Variants in RNF212B observed in about 807,000 individuals in gnomAD.
RNF212B encodes the protein ring finger protein 212B.
A neutral mutation model predicts 55.5 loss-of-function variants in RNF212B; 52 were observed. That is an observed-to-expected ratio of 0.94 (90% confidence interval 0.75 to 1.18). The LOEUF is 1.18. RNF212B is among the 50% of genes most tolerant of loss of function. RNF212B has a pLI of 0.00. For missense variants in RNF212B, 289 were observed against 350.4 expected (o/e 0.82, Z 1.40); for synonymous variants, 99 against 121.4 (o/e 0.82, Z 1.21).
At chr14:23,254,332 AAAAACAAAAACT>A (rs1441089693) in intron 4 of RNF212B, among the ~76,000 whole-genome samples, 20 of 147,102 alleles carry the variant, frequency 1.4e-4, no homozygotes, top group African/African-American at 3.4e-4. Context: ...AAACAAAAAC[AAAAACAAAAACT>A]AAAACTAAAA....
intron 2 of RNF212B, among the ~76,000 whole-genome samples, chr14:23,232,359 C>A (rs1882713923): frequency 6.6e-6 from 1 of 151,794 alleles, no homozygotes; most frequent in Non-Finnish European, 1.5e-5. Flanking sequence ...AGGAGCCCCT[C>A]CACCTGGCAG....
chr14:23,195,513 T>C (rs1390239751), intron 2 of RNF212B, among the ~76,000 whole-genome samples: 1 of 152,184 alleles, frequency 6.6e-6, no homozygotes, highest in African/African-American at 2.4e-5. Flanking sequence ...TGTAATGCTC[T>C]TCCTTCATTA....
At chr14:23,232,477 C>T (rs1423463665) in intron 2 of RNF212B, among the ~76,000 whole-genome samples, 4 of 151,386 alleles carry the variant, frequency 2.6e-5, no homozygotes, top group Non-Finnish European at 5.9e-5. Context: ...TGAGGAGCCC[C>T]TCCGCCCGGC....
intron 2 of RNF212B, among the ~76,000 whole-genome samples, chr14:23,220,692 G>T (rs1173230950): frequency 1.3e-5 from 2 of 151,940 alleles, no homozygotes; most frequent in Admixed American, 1.3e-4. Context: ...GGGCGTGGTG[G>T]CGGGCACCTG....
chr14:23,237,045 C>T (rs1161686744), upstream of RNF212B, among the ~76,000 whole-genome samples: 2 of 149,794 alleles, frequency 1.3e-5, no homozygotes, highest in East Asian at 1.9e-4. Flanking sequence ...CTAACTGCAG[C>T]CTCGACCCCG....
intron 2 of RNF212B, among the ~76,000 whole-genome samples, chr14:23,230,542 T>TACTCGGGA (rs768768709): frequency 7.7e-4 from 116 of 150,434 alleles, no homozygotes; most frequent in Non-Finnish European, 5.9e-4. Context: ...TAGTCCCAGC[T>TACTCGGGA]ACTCGGGAAG....
At chr14:23,201,448 A>G (rs1424734836) in intron 2 of RNF212B, among the ~76,000 whole-genome samples, 1 of 152,232 alleles carries the variant, frequency 6.6e-6, no homozygotes, top group East Asian at 1.9e-4. Flanking sequence ...ACTAAGTTAT[A>G]TTAGAATTAT....
chr14:23,196,959 C>T (rs763746906), intron 2 of RNF212B, among the ~76,000 whole-genome samples: 35 of 152,290 alleles, frequency 2.3e-4, no homozygotes, highest in Non-Finnish European at 4.1e-4. Flanking sequence ...GTCTACCTCC[C>T]CATCTAGACT....
intron 4 of RNF212B, among the ~76,000 whole-genome samples, chr14:23,250,357 C>T (rs970976290): frequency 6.6e-6 from 1 of 151,710 alleles, no homozygotes; most frequent in East Asian, 1.9e-4. Context: ...GTGGCGCGTG[C>T]CTGTAATGCC....
intron 2 of RNF212B, among the ~76,000 whole-genome samples, chr14:23,197,284 T>C (rs1331620820): frequency 6.6e-6 from 1 of 152,214 alleles, no homozygotes; most frequent in African/African-American, 2.4e-5. Context: ...CCCGGCACTT[T>C]GGGAGGCTGA....
intron 11 of RNF212B, 55 bp downstream of exon 11, chr14:23,264,726 C>T (rs1203743980): frequency 1.1e-5 from 12 of 1,131,942 alleles, no homozygotes; most frequent in Non-Finnish European, 1.3e-5. Flanking sequence ...CGAAGATCTG[C>T]GGATTTCTGG....
chr14:23,269,952 A>G lies in RNF212B; in HGVS notation c.764A>G (p.Asn255Ser), dbSNP rs878962158. Residue 255 changes from asparagine to serine, a missense_variant, in exon 13 of 15, where the codon AAC (asparagine) becomes AGC (serine). By Grantham distance (46) the Asn-to-Ser change is conservative. Transcript: ENST00000430154. Reference protein sequence around the residue: ...HSGHTRVLTPNNFAQRESTTT... With the variant: ...HSGHTRVLTPSNFAQRESTTT... ...GGCCACACAAGAGTCCTCACCCCCAACAATTTTGGTAAGTTAAATAACATT... is the reference window on the plus strand; with the variant it reads ...GGCCACACAAGAGTCCTCACCCCCAGCAATTTTGGTAAGTTAAATAACATT... The G allele has an allele frequency of 2.0e-6, 3 of 1,532,130 alleles. No homozygotes were observed. The highest frequency in any genetic ancestry group is 3.9e-5 in the Admixed American group (2 of 50,954). 94.9% of individuals were successfully genotyped at this position (1,532,130 alleles called of 1,614,324 possible).
At chr14:23,218,283 G>A (rs914478128) in intron 2 of RNF212B, among the ~76,000 whole-genome samples, 3 of 151,946 alleles carry the variant, frequency 2.0e-5, no homozygotes, top group African/African-American at 7.2e-5. Flanking sequence ...CAGGAGAATT[G>A]CTTGAACCTG....
At chr14:23,192,620 G>A (rs904274808) in intron 1 of RNF212B, among the ~76,000 whole-genome samples, 2 of 151,960 alleles carry the variant, frequency 1.3e-5, no homozygotes, top group Non-Finnish European at 2.9e-5. Flanking sequence ...CACCAACATG[G>A]CACATGTATA....
intron 2 of RNF212B, among the ~76,000 whole-genome samples, chr14:23,204,375 C>T (rs1216271483): frequency 6.6e-6 from 1 of 152,108 alleles, no homozygotes; most frequent in African/African-American, 2.4e-5. Flanking sequence ...GATTTAAGTC[C>T]TTAATCCATC....
intron 4 of RNF212B, 98 bp downstream of exon 4, chr14:23,244,494 A>G: frequency 3.2e-6 from 2 of 623,884 alleles, no homozygotes. Flanking sequence ...GCATTTGTAC[A>G]CAATGGAGGG....
rs1225667708 is a variant in RNF212B at position 23,273,296 on chromosome 14, T to C, written c.*405T>C. 6.4e-6 allele frequency: 1 copy of C among 155,532 alleles called. No homozygotes were observed. Among genetic ancestry groups the C allele is most frequent in the Admixed American group, 6.4e-5 (1 of 15,612 alleles). The allele number at this position is 155,532 out of a possible 1,614,324, so 9.6% of individuals were successfully genotyped here. On this transcript the variant is annotated 3_prime_UTR_variant, in exon 15 of 15. Coordinates refer to ENST00000430154, the MANE Select transcript of RNF212B (RefSeq NM_001282322.3). ...TGGATATACTGTCCCATTGCCAATG[T>C]TAACGAGCAATATCTCTGTTCTTTT...
intron 2 of RNF212B, among the ~76,000 whole-genome samples, chr14:23,217,534 G>A (rs564551694): frequency 3.3e-5 from 5 of 152,110 alleles, no homozygotes; most frequent in Non-Finnish European, 5.9e-5. Context: ...TGCTTGCATC[G>A]CCACACCCAC....
intron 12 of RNF212B, 77 bp from the exon 13 acceptor site, chr14:23,269,786 T>C: frequency 2.6e-6 from 2 of 774,384 alleles, no homozygotes; most frequent in African/African-American, 1.8e-5. Context: ...CTGTATAGGC[T>C]CTTCCATTAC....
Sources: gnomAD v4.1 joint callset for allele counts (sites outside exome capture counted in the v4.1 genomes callset) on GRCh38, gnomAD v4.1.1 for gene constraint, MANE v1.5 for transcripts, NCBI Gene and HGNC (gene_info 2026-07-23, HGNC 2026-07-21) for gene names.